The following DYNC2H1 variants were observed in gnomAD, a reference collection of about 807,000 sequenced individuals.
DYNC2H1 encodes the protein cytoplasmic dynein 2 heavy chain 1.
Under a neutral mutation model 570.0 loss-of-function variants are expected in DYNC2H1, and 410 were observed. The observed-to-expected ratio is 0.72, with a 90% CI of 0.66 to 0.78. The LOEUF is 0.78. DYNC2H1 is among the 30% of genes least tolerant of loss of function. The pLI is 0.00. For synonymous variants in DYNC2H1, 1,688 were observed against 1,677.6 expected (o/e 1.01, Z -0.15); for missense variants, 4,865 against 5,046.4 (o/e 0.96, Z 1.09).
At position 103,185,149 on chromosome 11, in the gene DYNC2H1, C is replaced by A. The variant is rs555281989; in HGVS notation, c.6633+98C>A. 3.7e-5 allele frequency: 43 copies of A among 1,156,466 alleles called. No homozygotes were observed. The highest frequency in any genetic ancestry group is 4.9e-5 in the Non-Finnish European group (42 of 849,670). 71.6% of individuals were successfully genotyped at this position (1,156,466 alleles called of 1,614,324 possible). A position where few individuals can be genotyped will look rare whatever the true frequency, so the allele number is the denominator to read the frequency against. On this transcript the variant is annotated intron_variant, in intron 41 of 88. Coordinates refer to ENST00000375735, the MANE Select transcript of DYNC2H1 (RefSeq NM_001377.3). The surrounding 1 kb of genome is among the most constrained non-coding windows in gnomAD (Gnocchi z 4.5). ...TGATTTGTAACTGTAAGATATGGAACTTTTAAAATTTGAAATTATGTATTC... is the reference window on the plus strand; with the variant it reads ...TGATTTGTAACTGTAAGATATGGAAATTTTAAAATTTGAAATTATGTATTC...
intron 66 of DYNC2H1, 86 bp from the exon 67 acceptor site, chr11:103,255,329 G>A: frequency 2.8e-6 from 4 of 1,410,622 alleles, no homozygotes; most frequent in Non-Finnish European, 3.8e-6. Context: ...GTAATAGTCT[G>A]TCAAACACAA....
chr11:103,439,108 T>G lies in DYNC2H1; in HGVS notation c.12456+3076T>G, dbSNP rs557862498. On this transcript the variant is annotated intron_variant, in intron 85 of 88. Coordinates refer to ENST00000375735, the MANE Select transcript of DYNC2H1 (RefSeq NM_001377.3). The surrounding 1 kb of genome is among the most constrained non-coding windows in gnomAD (Gnocchi z 4.1). ...CTCCAGGAACTATCCTTACAACTTA[T>G]CAGAAAGATAGAACTGAATAAACAA... is the stretch of plus-strand genomic sequence containing the variant. Among the ~76,000 whole-genome samples the G allele has an allele frequency of 3.9e-5, 6 of 152,126 alleles. No individual in the cohort carries two copies. The highest frequency in any genetic ancestry group is 3.9e-4 in the Admixed American group (6 of 15,266).
rs752185842 is a variant in DYNC2H1, at chr11:103,170,983, T to C, written c.5249T>C (p.Val1750Ala). 1 of 1,611,806 alleles carries C rather than the reference T, an allele frequency of 6.2e-7. No individual in the cohort carries two copies. The highest frequency in any genetic ancestry group is 2.2e-5 in the East Asian group (1 of 44,796). The change falls in exon 34 of 89, where the codon GTA becomes GCA. Residue 1750 changes from valine to alanine, a missense_variant. By Grantham distance (64) the Val-to-Ala change is moderately conservative. This residue lies in a region of DYNC2H1 where 292 missense variants were observed against 300.2 expected (regional missense o/e 0.97). Coordinates refer to ENST00000375735, the MANE Select transcript of DYNC2H1 (RefSeq NM_001377.3). This position sits in a 1 kb window ranked among gnomAD's most constrained non-coding sequence, Gnocchi z 4.8. ...GAATTTAATAGGCTGGAAGAATCTG[T>C]ACTGTCAGCAGTTTCTATGCAAATC... ...FDEFNRLEES[V>A]LSAVSMQIQT...
At chr11:103,336,191 G>T (rs951684485) in intron 82 of DYNC2H1, among the ~76,000 whole-genome samples, 2 of 151,996 alleles carry the variant, frequency 1.3e-5, no homozygotes, top group African/African-American at 4.8e-5. Context: ...ATATTTATAG[G>T]GTACATATAA....
intron 83 of DYNC2H1, among the ~76,000 whole-genome samples, chr11:103,358,669 T>G (rs1940480979): frequency 6.6e-6 from 1 of 152,210 alleles, no homozygotes; most frequent in South Asian, 2.1e-4. Flanking sequence ...GGGCTATGCT[T>G]CTTGTAACAG....
chr11:103,234,253 A>G lies in DYNC2H1; in HGVS notation c.9567+93A>G, dbSNP rs557364327. 21 of 1,390,674 alleles carry G rather than the reference A, an allele frequency of 1.5e-5. No individual in the cohort carries two copies. In the South Asian group the frequency reaches 2.5e-4, roughly 17 times the overall value. 86.1% of individuals were successfully genotyped at this position (1,390,674 alleles called of 1,614,324 possible). A position where few individuals can be genotyped will look rare whatever the true frequency, so the allele number is the denominator to read the frequency against. On this transcript the variant is annotated intron_variant, in intron 61 of 88. Coordinates refer to ENST00000375735, the MANE Select transcript of DYNC2H1 (RefSeq NM_001377.3). ...GTTAAGAAAAAGGAGAGAAAGATCC[A>G]TTAATTTGCACCTGGCTCAGGATAA...
intron 12 of DYNC2H1, 54 bp downstream of exon 12, chr11:103,125,349 C>T: frequency 1.2e-6 from 1 of 823,190 alleles, no homozygotes; most frequent in East Asian, 3.5e-5. Flanking sequence ...TTACGTTAAA[C>T]TAGAATATGC....
intron 1 of DYNC2H1, among the ~76,000 whole-genome samples, chr11:103,113,251 G>T (rs929299624): frequency 3.3e-5 from 5 of 152,108 alleles, no homozygotes; most frequent in African/African-American, 1.2e-4. Context: ...AATCTGGCTG[G>T]AATGGAATCT....
intron 55 of DYNC2H1, among the ~76,000 whole-genome samples, chr11:103,218,432 A>AT (rs913379927): frequency 1.3e-5 from 2 of 152,082 alleles, no homozygotes; most frequent in Non-Finnish European, 2.9e-5. Context: ...ACTTTAACAT[A>AT]TTTTTTTCTC....
intron 11 of DYNC2H1, among the ~76,000 whole-genome samples, chr11:103,124,720 G>C (rs1858902127): frequency 6.6e-6 from 1 of 152,028 alleles, no homozygotes; most frequent in Non-Finnish European, 1.5e-5. Flanking sequence ...TTTAATAAAA[G>C]TACTAAAGAA....
At position 103,179,167 on chromosome 11, in the gene DYNC2H1, T is replaced by G. The variant is rs1383179154; in HGVS notation, c.6281T>G (p.Phe2094Cys). Residue 2094 changes from phenylalanine to cysteine, a missense_variant, in exon 39 of 89, where the codon TTT (phenylalanine) becomes TGT (cysteine). Around this residue, in one of 5 missense-constraint regions of DYNC2H1, gnomAD observed 231 missense variants for 310.3 expected, o/e 0.74. Coordinates refer to ENST00000375735, the MANE Select transcript of DYNC2H1 (RefSeq NM_001377.3). ...IQFGPNVNFV[F>C]ETHDLSCASP... is the part of the protein sequence containing the mutation. ...TTTGGCCCAAATGTTAACTTTGTAT[T>G]TGAAACTCATGATTTAAGTTGTGCA... is the stretch of plus-strand genomic sequence containing the variant. The G allele has an allele frequency of 3.7e-6, 6 of 1,613,006 alleles. No individual in the cohort carries two copies. Among genetic ancestry groups the G allele is most frequent in the Non-Finnish European group, 5.1e-6 (6 of 1,179,292 alleles).
chr11:103,386,173 A>G (rs1591661996), intron 83 of DYNC2H1, among the ~76,000 whole-genome samples: 4 of 152,354 alleles, frequency 2.6e-5, no homozygotes, highest in Admixed American at 2.6e-4. Context: ...TTTCAGCAGC[A>G]GCTAGCCCTA....
At chr11:103,236,616 T>A (rs1003023322) in intron 63 of DYNC2H1, 77 bp downstream of exon 63, 14 of 762,944 alleles carry the variant, frequency 1.8e-5, no homozygotes, top group Non-Finnish European at 2.5e-5. Flanking sequence ...TTCTTCGTAT[T>A]CTTAGTCTTT....
intron 84 of DYNC2H1, among the ~76,000 whole-genome samples, chr11:103,411,641 T>C (rs1030874455): frequency 6.6e-6 from 1 of 152,104 alleles, no homozygotes; most frequent in Non-Finnish European, 1.5e-5. Context: ...CTTAATTATA[T>C]GAAACAATTT....
At chr11:103,172,317 C>T (rs1861608440) in intron 34 of DYNC2H1, among the ~76,000 whole-genome samples, 1 of 152,118 alleles carries the variant, frequency 6.6e-6, no homozygotes, top group Non-Finnish European at 1.5e-5. Context: ...ATCCTCTTCC[C>T]TGGGACCTTA....
chr11:103,397,350 G>T (rs1271324586), intron 83 of DYNC2H1, among the ~76,000 whole-genome samples: 3 of 151,902 alleles, frequency 2.0e-5, no homozygotes, highest in African/African-American at 7.3e-5. Flanking sequence ...TAAACATATG[G>T]CTGTCAGTTG....
At chr11:103,178,586 T>A (rs1861720613) in intron 38 of DYNC2H1, among the ~76,000 whole-genome samples, 1 of 152,072 alleles carries the variant, frequency 6.6e-6, no homozygotes, top group African/African-American at 2.4e-5. Context: ...TGTATACAAT[T>A]GGTCACTATT....
At chr11:103,225,728 A>G (rs532145340) in intron 59 of DYNC2H1, among the ~76,000 whole-genome samples, 1 of 151,984 alleles carries the variant, frequency 6.6e-6, no homozygotes, top group Non-Finnish European at 1.5e-5. Context: ...TGCTTTGGCT[A>G]TGCAGGTTCT....
chr11:103,216,033 A>G, intron 55 of DYNC2H1, 175 bp downstream of exon 55: 1 of 758,856 alleles, frequency 1.3e-6, no homozygotes. Context: ...ATTTTCCTAT[A>G]TTGTTTAGAC....
Sources: gnomAD v4.1 joint callset for allele counts (sites outside exome capture counted in the v4.1 genomes callset) on GRCh38, gnomAD v4.1.1 for gene constraint, gnomAD v4.1.1 regional missense constraint, Gnocchi (gnomAD v3.1) non-coding constraint, MANE v1.5 for transcripts, NCBI Gene and HGNC (gene_info 2026-07-23, HGNC 2026-07-21) for gene names.